Variants in DPY19L3 observed in about 807,000 individuals in gnomAD.
DPY19L3 encodes protein C-mannosyl-transferase DPY19L3.
DPY19L3 carries 51 observed loss-of-function variants against 92.3 expected under a neutral mutation model. The observed-to-expected ratio is 0.55, with a 90% CI of 0.44 to 0.70. DPY19L3 has a LOEUF of 0.70. DPY19L3 is among the 30% of genes least tolerant of loss of function. The pLI is 0.00. For synonymous variants in DPY19L3, 309 were observed against 315.2 expected (o/e 0.98, Z 0.21); for missense variants, 706 against 855.9 (o/e 0.82, Z 2.18).
chr19:32,408,549 T>A (rs1370774544), intron 2 of DPY19L3, among the ~76,000 whole-genome samples, 193 bp downstream of exon 2: 1 of 152,192 alleles, frequency 6.6e-6, no homozygotes, highest in Non-Finnish European at 1.5e-5. Context: ...GAGCTTTGAT[T>A]AGAAGTGTTT....
intron 8 of DPY19L3, among the ~76,000 whole-genome samples, chr19:32,447,176 C>T (rs1156953125): frequency 2.6e-5 from 4 of 152,084 alleles, no homozygotes; most frequent in Non-Finnish European, 4.4e-5. Flanking sequence ...AGAGGAACCT[C>T]GGAGAGCATT....
rs565962143 is a variant in DPY19L3, at chr19:32,483,481, G to T, written c.*1241G>T. 3 of 152,662 alleles carry T rather than the reference G, an allele frequency of 2.0e-5. No individual in the cohort carries two copies. The South Asian group carries it at 6.2e-4, about 32-fold the overall frequency. 9.5% of individuals were successfully genotyped at this position (152,662 alleles called of 1,614,324 possible). A position where few individuals can be genotyped will look rare whatever the true frequency, so the allele number is the denominator to read the frequency against. ...ATTTAATTAAATCAAGATGGCTAAT[G>T]GAATTAACTTTCTCCCCTGTTCTTG... is the stretch of plus-strand genomic sequence containing the variant. On this transcript the variant is annotated 3_prime_UTR_variant, in exon 19 of 19. Transcript: ENST00000392250.
At chr19:32,407,211 C>T (rs1208773880) in intron 1 of DPY19L3, among the ~76,000 whole-genome samples, 3 of 151,604 alleles carry the variant, frequency 2.0e-5, no homozygotes, top group Non-Finnish European at 4.4e-5. Context: ...CCCGCTTACT[C>T]ACTGCCACCA....
chr19:32,410,006 C>T (rs1165394876), intron 2 of DPY19L3, among the ~76,000 whole-genome samples: 1 of 152,204 alleles, frequency 6.6e-6, no homozygotes, highest in Non-Finnish European at 1.5e-5. Flanking sequence ...CTTTTACTCA[C>T]TGCTGCCATG....
intron 12 of DPY19L3, among the ~76,000 whole-genome samples, chr19:32,458,945 C>G (rs1387725754): frequency 2.6e-5 from 4 of 152,138 alleles, no homozygotes; most frequent in Admixed American, 2.0e-4. Flanking sequence ...GACTCATAAG[C>G]CTCTGTTGTG....
intron 8 of DPY19L3, among the ~76,000 whole-genome samples, chr19:32,449,251 C>G (rs1969618348): frequency 6.6e-6 from 1 of 152,096 alleles, no homozygotes; most frequent in Admixed American, 6.6e-5. Flanking sequence ...TACAAAACAC[C>G]ACAAAGCATT....
At chr19:32,468,383 C>T in intron 15 of DPY19L3, 1 of 1,016,026 alleles carries the variant, frequency 9.8e-7, no homozygotes, top group African/African-American at 1.7e-5. Flanking sequence ...GGATTGTGAA[C>T]TTTCTCATGG....
intron 1 of DPY19L3, among the ~76,000 whole-genome samples, chr19:32,407,193 G>A (rs995805791): frequency 6.6e-6 from 1 of 151,642 alleles, no homozygotes; most frequent in Non-Finnish European, 1.5e-5. Flanking sequence ...TGTTCTGGAG[G>A]ACTGGAACCC....
At chr19:32,455,136 A>G in intron 10 of DPY19L3, 96 bp downstream of exon 10, 1 of 876,488 alleles carries the variant, frequency 1.1e-6, no homozygotes, top group Non-Finnish European at 1.7e-6. Context: ...TTAATAAACT[A>G]ATTGTTTTAG....
intron 3 of DPY19L3, among the ~76,000 whole-genome samples, chr19:32,416,591 A>G (rs8110892): frequency 0.051 from 7,795 of 152,278 alleles, 501 homozygotes; most frequent in Admixed American, 0.18. Flanking sequence ...CTATATTATG[A>G]CTACAGATTT....
chr19:32,422,613 A>G (rs1449943871), intron 3 of DPY19L3, among the ~76,000 whole-genome samples: 1 of 137,616 alleles, frequency 7.3e-6, no homozygotes, highest in Admixed American at 7.9e-5. Context: ...GAGAACGAGA[A>G]CAATAAATCA....
intron 1 of DPY19L3, among the ~76,000 whole-genome samples, chr19:32,407,446 G>A (rs1968010479): frequency 6.6e-6 from 1 of 152,168 alleles, no homozygotes; most frequent in African/African-American, 2.4e-5. Context: ...TTCAAAATCC[G>A]GTTGTCAACA....
intron 2 of DPY19L3, among the ~76,000 whole-genome samples, chr19:32,409,948 A>G (rs548232835): frequency 2.6e-5 from 4 of 152,192 alleles, no homozygotes; most frequent in Non-Finnish European, 4.4e-5. Context: ...AGCAGGGTAC[A>G]TGCCTAGATT....
In DPY19L3 at chr19:32,480,511, GC is replaced by G. The variant is rs760931737; in HGVS notation, c.1945del (p.Arg649GlyfsTer16). The G allele has an allele frequency of 2.5e-6, 4 of 1,614,082 alleles. No homozygotes were observed. Among genetic ancestry groups the G allele is most frequent in the Non-Finnish European group, 3.4e-6 (4 of 1,179,984 alleles). On this transcript the variant is annotated frameshift_variant, in exon 18 of 19. Transcript: ENST00000392250. LOFTEE classifies it high-confidence loss of function. ...AGCATCTGCTACGAGCGGAGGCACC[GC>G]CGGGGCTGCCGACTCCGGGACCTGC... ...EDSICYERRH[R>X]RGCRLRDLLD...
chr19:32,463,245 T>C, intron 12 of DPY19L3, 121 bp from the exon 13 acceptor site: 5 of 1,113,568 alleles, frequency 4.5e-6, no homozygotes, highest in African/African-American at 1.6e-5. Context: ...CATTTCATCT[T>C]ATGGAAATAA....
intron 16 of DPY19L3, among the ~76,000 whole-genome samples, chr19:32,476,815 G>T (rs1321542961): frequency 6.6e-6 from 1 of 152,186 alleles, no homozygotes; most frequent in Non-Finnish European, 1.5e-5. Context: ...CACATCAGAA[G>T]TATTTGTGTA....
In DPY19L3 at chr19:32,484,561, C is replaced by T. The variant is rs2145653066; in HGVS notation, c.*2321C>T. The T allele has an allele frequency of 6.6e-6, 1 of 152,298 alleles. No individual in the cohort carries two copies. Among genetic ancestry groups the T allele is most frequent in the East Asian group, 1.9e-4 (1 of 5,178 alleles). The allele number at this position is 152,298 out of a possible 1,614,324, so 9.4% of individuals were successfully genotyped here. ...TCTGAGTTAGCAGTCAGAAGACCCT[C>T]TAAGTACAATAGAAGTGCTCTTAAC... On this transcript the variant is annotated 3_prime_UTR_variant, in exon 19 of 19. Transcript: ENST00000392250.
chr19:32,451,291 T>C (rs1568346195), intron 8 of DPY19L3, among the ~76,000 whole-genome samples: 2 of 152,368 alleles, frequency 1.3e-5, no homozygotes, highest in Non-Finnish European at 2.9e-5. Context: ...AAATACTATA[T>C]ACTGCTGTGA....
intron 3 of DPY19L3, among the ~76,000 whole-genome samples, chr19:32,419,742 C>G (rs1968502070): frequency 6.6e-6 from 1 of 152,060 alleles, no homozygotes; most frequent in Admixed American, 6.6e-5. Flanking sequence ...CCTACATATT[C>G]TGTTTAAGCT....
Sources: gnomAD v4.1 joint callset for allele counts (sites outside exome capture counted in the v4.1 genomes callset) on GRCh38, gnomAD v4.1.1 for gene constraint, MANE v1.5 for transcripts, NCBI Gene and HGNC (gene_info 2026-07-23, HGNC 2026-07-21) for gene names.